Variants in AGBL4 observed in about 807,000 individuals in gnomAD.
AGBL4 encodes cytosolic carboxypeptidase 6.
AGBL4 carries 58 observed loss-of-function variants against 66.4 expected under a neutral mutation model. That is an observed-to-expected ratio of 0.87 (90% CI 0.71 to 1.09). The LOEUF (loss-of-function observed/expected upper bound fraction) is 1.09, where lower values mean the gene tolerates loss of function less well. Among genes scored for constraint, AGBL4 ranks in the 50% least tolerant of loss-of-function variants. AGBL4 has a pLI of 0.00. For synonymous variants in AGBL4, 234 were observed against 222.9 expected (o/e 1.05, Z -0.44); for missense variants, 579 against 631.0 (o/e 0.92, Z 0.88).
At chr1:50,003,328 C>G (rs1389181980) in intron 1 of AGBL4, among the ~76,000 whole-genome samples, 1 of 152,180 alleles carries the variant, frequency 6.6e-6, no homozygotes, top group African/African-American at 2.4e-5. Flanking sequence ...GTGGTTATTA[C>G]CCAGTGCATT....
intron 9 of AGBL4, among the ~76,000 whole-genome samples, chr1:48,626,937 TA>T (rs1557837870): frequency 6.6e-6 from 1 of 152,108 alleles, no homozygotes. Context: ...TATCCTGCCA[TA>T]GGGGGTAAAG....
chr1:49,745,265 C>T (rs780791667), intron 2 of AGBL4, among the ~76,000 whole-genome samples: 1 of 151,946 alleles, frequency 6.6e-6, no homozygotes, highest in Non-Finnish European at 1.5e-5. Flanking sequence ...GATTGTTTCA[C>T]GTTCCATAGT....
At chr1:49,292,908 C>A (rs901637358) in intron 3 of AGBL4, among the ~76,000 whole-genome samples, 2 of 152,212 alleles carry the variant, frequency 1.3e-5, no homozygotes, top group Non-Finnish European at 1.5e-5. Context: ...AACTCGGAAC[C>A]TGTTGAATGG....
chr1:49,213,543 C>T (rs539040339), intron 4 of AGBL4, among the ~76,000 whole-genome samples: 3 of 152,068 alleles, frequency 2.0e-5, no homozygotes, highest in Non-Finnish European at 4.4e-5. Flanking sequence ...GCTTGCTCCT[C>T]ATTTGCCTAC....
intron 5 of AGBL4, among the ~76,000 whole-genome samples, chr1:48,965,809 A>G (rs933100544): frequency 6.6e-6 from 1 of 152,152 alleles, no homozygotes. Context: ...TAAGTAGGGG[A>G]GCCTACAAAT....
At position 49,551,261 on chromosome 1, in the gene AGBL4, G is replaced by A. The variant is rs146670380; in HGVS notation, c.282+146052C>T. 2.2e-3 allele frequency among the ~76,000 whole-genome samples: 332 copies of A among 152,226 alleles called. 1 individual carries two copies. The highest frequency in any genetic ancestry group is 3.7e-3 in the Non-Finnish European group (252 of 68,026). On this transcript the variant is annotated intron_variant, in intron 3 of 13. Transcript: ENST00000371839. ...CCTTTCTCTGGTGCATCCCTGATTA[G>A]TTAAATAACAAACCTCCCAAATTCT...
Position 48,996,825 on chromosome 1 carries a change from T to C in AGBL4, c.594+48759A>G, listed in dbSNP as rs1054635304. Among the ~76,000 whole-genome samples, 3 of 133,336 alleles carry C rather than the reference T, an allele frequency of 2.2e-5. No homozygotes were observed. The East Asian group carries it at 6.8e-4, about 30-fold the overall frequency. 87.5% of individuals were successfully genotyped at this position (133,336 alleles called of 152,430 possible). ...GAATTTCCTTCCTTCCTCCCTTCCT[T>C]CCTTCCTTCCTTCCTTCCTTCCTTC... On this transcript the variant is annotated intron_variant, in intron 5 of 13. Coordinates refer to ENST00000371839, the MANE Select transcript of AGBL4 (RefSeq NM_032785.4).
chr1:50,021,876 T>A (rs1444931913), intron 1 of AGBL4, among the ~76,000 whole-genome samples: 1 of 152,160 alleles, frequency 6.6e-6, no homozygotes, highest in African/African-American at 2.4e-5. Flanking sequence ...TGACCCAAAT[T>A]CATATCATAT....
intron 6 of AGBL4, among the ~76,000 whole-genome samples, chr1:48,785,196 A>G (rs1645382059): frequency 6.6e-6 from 1 of 152,110 alleles, no homozygotes; most frequent in Non-Finnish European, 1.5e-5. Flanking sequence ...AGTGTATCTT[A>G]GTATGTAATT....
intron 3 of AGBL4, among the ~76,000 whole-genome samples, chr1:49,572,096 A>C (rs1032305191): frequency 3.3e-5 from 5 of 152,164 alleles, no homozygotes; most frequent in African/African-American, 1.2e-4. Context: ...AGAAAGAATT[A>C]GGGAGGATTC....
rs1314520613 is a variant in AGBL4, at chr1:50,023,928, AGGCGCGCGGGTGGCC to A, written c.-147_-133del. 22 of 1,079,242 alleles carry A rather than the reference AGGCGCGCGGGTGGCC, an allele frequency of 2.0e-5. No individual in the cohort carries two copies. The highest frequency in any genetic ancestry group is 2.4e-4 in the Middle Eastern group (1 of 4,144). The allele number at this position is 1,079,242 out of a possible 1,614,324, so 66.9% of individuals were successfully genotyped here. A position where few individuals can be genotyped will look rare whatever the true frequency, so the allele number is the denominator to read the frequency against. On this transcript the variant is annotated 5_prime_UTR_variant, in exon 1 of 14. Transcript: ENST00000371839. Reference sequence around the variant, plus strand: ...GACGGTTGCCTGGGCAACGGGCGGCAGGCGCGCGGGTGGCCGGCGCGCGGCTGAGGGCGGGAGGGA... The same window carrying A: ...GACGGTTGCCTGGGCAACGGGCGGCAGGCGCGCGGCTGAGGGCGGGAGGGA...
chr1:49,192,961 G>C (rs1418599552), intron 4 of AGBL4, among the ~76,000 whole-genome samples: 1 of 152,136 alleles, frequency 6.6e-6, no homozygotes, highest in Non-Finnish European at 1.5e-5. Flanking sequence ...GAGGTTGTAT[G>C]CTTCCAGAAA....
At chr1:48,817,919 G>A (rs1646218959) in intron 6 of AGBL4, 1 of 626,358 alleles carries the variant, frequency 1.6e-6, no homozygotes, top group Admixed American at 2.8e-5. Context: ...GTGAATGGTG[G>A]AGGCTGTGTA....
chr1:48,568,329 G>T (rs773320779), intron 11 of AGBL4, among the ~76,000 whole-genome samples: 1 of 151,928 alleles, frequency 6.6e-6, no homozygotes, highest in East Asian at 1.9e-4. Context: ...CCAGTCTGCA[G>T]GTGGCTGGTT....
chr1:49,832,112 C>T (rs1378809680), intron 2 of AGBL4, among the ~76,000 whole-genome samples: 5 of 151,898 alleles, frequency 3.3e-5, no homozygotes, highest in Admixed American at 1.3e-4. Context: ...CGTCATTTAG[C>T]ATTAGATATA....
At chr1:48,635,056 C>T (rs1165178797) in intron 8 of AGBL4, among the ~76,000 whole-genome samples, 2 of 152,230 alleles carry the variant, frequency 1.3e-5, no homozygotes, top group African/African-American at 2.4e-5. Context: ...ACCACTTCCT[C>T]TGGTATTACC....
intron 3 of AGBL4, among the ~76,000 whole-genome samples, chr1:49,254,013 C>T (rs556562323): frequency 2.0e-5 from 3 of 152,052 alleles, no homozygotes; most frequent in Non-Finnish European, 2.9e-5. Flanking sequence ...AAGGAACATA[C>T]CTCAAAATAA....
intron 2 of AGBL4, among the ~76,000 whole-genome samples, chr1:49,836,692 G>T (rs557550964): frequency 8.7e-4 from 133 of 152,230 alleles, no homozygotes; most frequent in African/African-American, 3.1e-3. Flanking sequence ...TTTTACACTG[G>T]TTTTTCCTCA....
chr1:49,364,118 A>G (rs946643728), intron 3 of AGBL4, among the ~76,000 whole-genome samples: 1 of 152,224 alleles, frequency 6.6e-6, no homozygotes, highest in East Asian at 1.9e-4. Flanking sequence ...GAGGTAGGAG[A>G]TGATAAGGCC....
Sources: gnomAD v4.1 joint callset for allele counts (sites outside exome capture counted in the v4.1 genomes callset) on GRCh38, gnomAD v4.1.1 for gene constraint, MANE v1.5 for transcripts, NCBI Gene and HGNC (gene_info 2026-07-23, HGNC 2026-07-21) for gene names.